The following SDK1 variants were observed in gnomAD, a reference collection of about 807,000 sequenced individuals.
SDK1 encodes the protein protein sidekick-1.
In SDK1, 157 loss-of-function variants were observed where a neutral mutation model predicts 245.5. The observed-to-expected ratio is 0.64, with a 90% CI of 0.56 to 0.73. SDK1 has a LOEUF of 0.73. Ranked by LOEUF, SDK1 falls within the 30% of genes least tolerant of loss-of-function variation. The probability of loss-of-function intolerance (pLI) is 0.00; values close to 1 mark genes in which losing one functional copy is unlikely to be tolerated. For missense variants in SDK1, 3,583 were observed against 3,002.3 expected (o/e 1.19, Z -4.52); for synonymous variants, 1,647 against 1,278.5 (o/e 1.29, Z -6.15).
intron 1 of SDK1, among the ~76,000 whole-genome samples, chr7:3,508,089 GCTA>G (rs1430891916): frequency 6.6e-6 from 1 of 152,058 alleles, no homozygotes; most frequent in Non-Finnish European, 1.5e-5. Context: ...GGCATAAACT[GCTA>G]CTGATAGTCA....
chr7:3,873,477 T>C (rs1010001755), intron 5 of SDK1, among the ~76,000 whole-genome samples: 2 of 152,196 alleles, frequency 1.3e-5, no homozygotes, highest in Non-Finnish European at 2.9e-5. Flanking sequence ...TTTGATGATT[T>C]GGTGTCTGTC....
intron 3 of SDK1, among the ~76,000 whole-genome samples, chr7:3,639,833 A>G (rs1339147992): frequency 6.6e-6 from 1 of 150,920 alleles, no homozygotes; most frequent in Non-Finnish European, 1.5e-5. Context: ...ATTATATGTC[A>G]TATATATGTT....
intron 14 of SDK1, among the ~76,000 whole-genome samples, chr7:3,999,360 G>C (rs1190408328): frequency 6.6e-6 from 1 of 152,088 alleles, no homozygotes; most frequent in Non-Finnish European, 1.5e-5. Flanking sequence ...TCGAGGCAAA[G>C]AACACTCACA....
At chr7:3,799,492 C>G (rs1350740028) in intron 4 of SDK1, among the ~76,000 whole-genome samples, 1 of 151,836 alleles carries the variant, frequency 6.6e-6, no homozygotes, top group African/African-American at 2.4e-5. Flanking sequence ...ATCACGAGGT[C>G]AGGAGATCGA....
At chr7:4,130,269 A>G in intron 27 of SDK1, 172 bp downstream of exon 27, 1 of 674,770 alleles carries the variant, frequency 1.5e-6, no homozygotes, top group Non-Finnish European at 2.4e-6. Context: ...TATATGGCCA[A>G]TTTCAGCCTG....
chr7:4,028,556 T>C (rs1787543644), intron 17 of SDK1, among the ~76,000 whole-genome samples: 1 of 152,174 alleles, frequency 6.6e-6, no homozygotes, highest in Non-Finnish European at 1.5e-5. Context: ...GATGACACAT[T>C]GTCTACATAA....
At position 4,164,443 on chromosome 7, in the gene SDK1, C is replaced by T. The variant is rs1018761513; in HGVS notation, c.4800+2587C>T. 4.6e-5 allele frequency among the ~76,000 whole-genome samples: 7 copies of T among 152,328 alleles called. No homozygotes were observed. The South Asian group carries it at 1.5e-3, about 32-fold the overall frequency. ...CTTCAGCCCTGACTCCCGTGAGGGT[C>T]TCCGGTGGGAGGTTAGAGACATTCA... On this transcript the variant is annotated intron_variant, in intron 32 of 44. Transcript: ENST00000404826.
intron 1 of SDK1, among the ~76,000 whole-genome samples, chr7:3,525,476 T>G (rs1381357771): frequency 6.6e-6 from 1 of 152,152 alleles, no homozygotes; most frequent in African/African-American, 2.4e-5. Context: ...AGTCTGTGAG[T>G]GTGGTTGGTT....
At chr7:3,681,078 T>C (rs1381112757) in intron 4 of SDK1, among the ~76,000 whole-genome samples, 1 of 152,142 alleles carries the variant, frequency 6.6e-6, no homozygotes, top group African/African-American at 2.4e-5. Flanking sequence ...CTCCTGACCT[T>C]GTGATCCACT....
At chr7:3,546,031 A>C (rs565397164) in intron 1 of SDK1, among the ~76,000 whole-genome samples, 2 of 152,354 alleles carry the variant, frequency 1.3e-5, no homozygotes, top group African/African-American at 2.4e-5. Flanking sequence ...AATTGCTGAA[A>C]ATAATTACAC....
chr7:3,596,956 G>A (rs1781087400), intron 1 of SDK1, among the ~76,000 whole-genome samples: 1 of 152,170 alleles, frequency 6.6e-6, no homozygotes, highest in Non-Finnish European at 1.5e-5. Flanking sequence ...GGCCGCCTGT[G>A]ATTGGCCAAA....
rs772403685 is a variant in SDK1, at chr7:4,237,755, A to G, written c.6101A>G (p.Gln2034Arg). 6.2e-7 allele frequency: 1 copy of G among 1,614,168 alleles called. No individual in the cohort carries two copies. Among genetic ancestry groups the G allele is most frequent in the Non-Finnish European group, 8.5e-7 (1 of 1,180,040 alleles). The change falls in exon 42 of 45, where the codon CAG (glutamine) becomes CGG (arginine). Residue 2034 changes from glutamine (Q) to arginine (R), a missense_variant. Gln to Arg is a conservative substitution (Grantham distance 43). Coordinates refer to ENST00000404826, the MANE Select transcript of SDK1 (RefSeq NM_152744.4). ...GTGTTCGCCCTCGTCCTGCACGGGC[A>G]GAATAAGAAGTATAAGAACTGCAGC... ...LVVFALVLHG[Q>R]NKKYKNCSTG... is the part of the protein sequence containing the mutation.
intron 17 of SDK1, among the ~76,000 whole-genome samples, chr7:4,041,900 G>A (rs962317727): frequency 1.5e-5 from 2 of 129,392 alleles, no homozygotes; most frequent in Non-Finnish European, 1.6e-5. Flanking sequence ...TGCAACCTCC[G>A]CCTCCCAGGT....
intron 37 of SDK1, 147 bp downstream of exon 37, chr7:4,208,432 G>C (rs1784352308): frequency 1.1e-5 from 8 of 714,764 alleles, no homozygotes; most frequent in Non-Finnish European, 1.9e-5. Context: ...TGGATGGGCA[G>C]GACTGGGTTT....
chr7:4,000,165 C>T (rs142760757), intron 14 of SDK1, among the ~76,000 whole-genome samples: 4 of 152,202 alleles, frequency 2.6e-5, no homozygotes, highest in African/African-American at 4.8e-5. Flanking sequence ...CAGGCCTGGA[C>T]GTGGAAGTAG....
chr7:3,512,027 G>C (rs571438070), intron 1 of SDK1, among the ~76,000 whole-genome samples: 1 of 150,342 alleles, frequency 6.7e-6, no homozygotes, highest in Non-Finnish European at 1.5e-5. Flanking sequence ...ACATTCTCTG[G>C]GTGTGGGTGA....
At chr7:3,897,936 C>A (rs929578337) in intron 5 of SDK1, among the ~76,000 whole-genome samples, 1 of 151,652 alleles carries the variant, frequency 6.6e-6, no homozygotes, top group Non-Finnish European at 1.5e-5. Context: ...TCACTCTTTT[C>A]TTCTCCTTTC....
At chr7:3,741,433 A>G (rs577448926) in intron 4 of SDK1, among the ~76,000 whole-genome samples, 61 of 152,340 alleles carry the variant, frequency 4.0e-4, no homozygotes, top group Non-Finnish European at 7.5e-4. Context: ...GCCATGCCAT[A>G]TCTGTGTGAA....
intron 1 of SDK1, among the ~76,000 whole-genome samples, chr7:3,373,295 G>A (rs1451962561): frequency 2.0e-5 from 3 of 152,120 alleles, no homozygotes; most frequent in African/African-American, 7.2e-5. Context: ...ATAATTTATT[G>A]AACACTAAGC....
Sources: gnomAD v4.1 joint callset for allele counts (sites outside exome capture counted in the v4.1 genomes callset) on GRCh38, gnomAD v4.1.1 for gene constraint, MANE v1.5 for transcripts, NCBI Gene and HGNC (gene_info 2026-07-23, HGNC 2026-07-21) for gene names.